The following SMYD3 variants were observed in gnomAD, a reference collection of about 807,000 sequenced individuals.
The protein encoded by SMYD3 is histone-lysine N-methyltransferase SMYD3.
Under a neutral mutation model 57.7 loss-of-function variants are expected in SMYD3, and 36 were observed. That is an observed-to-expected ratio of 0.62 (90% CI 0.48 to 0.82). SMYD3 has a LOEUF of 0.82. Ranked by LOEUF, SMYD3 falls within the 40% of genes least tolerant of loss-of-function variation. The pLI, the probability that SMYD3 is intolerant of heterozygous loss-of-function variation, is 0.00. For synonymous variants in SMYD3, 211 were observed against 195.0 expected, an observed-to-expected ratio of 1.08 and a Z score of -0.68; for missense variants, 515 against 538.8, an observed-to-expected ratio of 0.96 and a Z score of 0.44.
At chr1:246,103,731 CA>C (rs2061062701) in intron 5 of SMYD3, among the ~76,000 whole-genome samples, 1 of 152,134 alleles carries the variant, frequency 6.6e-6, no homozygotes, top group Non-Finnish European at 1.5e-5. Context: ...AGAAAAAGCT[CA>C]AAATTATTAG....
At chr1:246,028,415 T>C (rs1170839988) in intron 5 of SMYD3, among the ~76,000 whole-genome samples, 1 of 152,074 alleles carries the variant, frequency 6.6e-6, no homozygotes, top group Non-Finnish European at 1.5e-5. Flanking sequence ...AAAATCAATA[T>C]ACAAAACTAT....
intron 5 of SMYD3, among the ~76,000 whole-genome samples, chr1:246,006,031 G>C (rs940967259): frequency 2.6e-5 from 1 of 38,548 alleles, no homozygotes; most frequent in African/African-American, 4.9e-5. Context: ...TATTGAAAGG[G>C]GAGAAAAGGC....
Position 245,924,653 on chromosome 1 carries a change from A to AG in SMYD3, c.702+3277dup, listed in dbSNP as rs201192494. On this transcript the variant is annotated intron_variant, in intron 7 of 11. Transcript: ENST00000490107. ...TTGTAAATGTCTGAGACTCTATTCC[A>AG]GCTTTTTTTTTTTTTTTTTTTTTTT... is the stretch of plus-strand genomic sequence containing the variant. Among the ~76,000 whole-genome samples the AG allele has an allele frequency of 2.8e-4, 31 of 111,922 alleles. 3 individuals carry two copies. Among genetic ancestry groups the AG allele is most frequent in the Middle Eastern group, 4.9e-3 (1 of 204 alleles). The allele number at this position is 111,922 out of a possible 152,430, so 73.4% of individuals were successfully genotyped here.
At chr1:246,171,674 TTATGTATCTAC>T (rs2062336603) in intron 5 of SMYD3, among the ~76,000 whole-genome samples, 1 of 152,164 alleles carries the variant, frequency 6.6e-6, no homozygotes, top group South Asian at 2.1e-4. Flanking sequence ...TGGTAGGTAT[TTATGTATCTAC>T]ACTTATCTAA....
intron 5 of SMYD3, among the ~76,000 whole-genome samples, chr1:246,099,703 G>C (rs1416058276): frequency 6.6e-6 from 1 of 152,128 alleles, no homozygotes; most frequent in East Asian, 1.9e-4. Flanking sequence ...AATTTAATAA[G>C]ATCTTCAGAC....
At chr1:245,801,562 G>T (rs2047862935) in intron 10 of SMYD3, among the ~76,000 whole-genome samples, 1 of 152,154 alleles carries the variant, frequency 6.6e-6, no homozygotes, top group Non-Finnish European at 1.5e-5. Context: ...CTTGGCCATG[G>T]TAGTTAATCC....
intron 5 of SMYD3, among the ~76,000 whole-genome samples, chr1:246,059,586 T>G (rs1030709037): frequency 6.6e-6 from 1 of 152,132 alleles, no homozygotes; most frequent in African/African-American, 2.4e-5. Context: ...ACAACATATC[T>G]CAGACGTTAT....
intron 10 of SMYD3, among the ~76,000 whole-genome samples, chr1:245,855,825 T>C (rs947622818): frequency 4.8e-4 from 73 of 152,366 alleles, no homozygotes; most frequent in African/African-American, 1.8e-3. Flanking sequence ...AATTAAAATT[T>C]AGCCAAGGTC....
At chr1:246,211,482 C>G (rs757512387) in intron 5 of SMYD3, among the ~76,000 whole-genome samples, 3 of 151,946 alleles carry the variant, frequency 2.0e-5, no homozygotes, top group Non-Finnish European at 2.9e-5. Flanking sequence ...AAAAAATAAA[C>G]ATCTCTCCAC....
chr1:245,854,898 T>C (rs1273561617), intron 10 of SMYD3, among the ~76,000 whole-genome samples: 1 of 152,168 alleles, frequency 6.6e-6, no homozygotes, highest in Non-Finnish European at 1.5e-5. Flanking sequence ...GGAACCATTG[T>C]TCATGTTTTC....
chr1:245,919,095 T>A (rs1044339067), intron 7 of SMYD3, among the ~76,000 whole-genome samples: 1 of 152,224 alleles, frequency 6.6e-6, no homozygotes, highest in Non-Finnish European at 1.5e-5. Context: ...AACCATTACC[T>A]GGACTACGCA....
At chr1:246,204,059 T>C (rs2062959560) in intron 5 of SMYD3, among the ~76,000 whole-genome samples, 1 of 152,176 alleles carries the variant, frequency 6.6e-6, no homozygotes, top group South Asian at 2.1e-4. Flanking sequence ...CAGTCAGGTG[T>C]GAAAACAGAG....
intron 5 of SMYD3, among the ~76,000 whole-genome samples, chr1:246,080,490 TG>T (rs1462108716): frequency 3.3e-5 from 5 of 152,122 alleles, no homozygotes; most frequent in Admixed American, 3.3e-4. Flanking sequence ...GCCCCATCCA[TG>T]AAAAACTGTC....
At chr1:246,390,479 G>C (rs942340066) in intron 1 of SMYD3, among the ~76,000 whole-genome samples, 1 of 152,002 alleles carries the variant, frequency 6.6e-6, no homozygotes. Flanking sequence ...ACTAGATTAA[G>C]TAACTATAAA....
chr1:245,922,629 C>A (rs1182846686), intron 7 of SMYD3, among the ~76,000 whole-genome samples: 1 of 151,496 alleles, frequency 6.6e-6, no homozygotes, highest in Non-Finnish European at 1.5e-5. Flanking sequence ...TGGACACTCA[C>A]CATTTGAGCT....
At chr1:246,406,757 T>A (rs1166263441) in intron 1 of SMYD3, among the ~76,000 whole-genome samples, 1 of 152,218 alleles carries the variant, frequency 6.6e-6, no homozygotes, top group African/African-American at 2.4e-5. Context: ...AGTGACAGTG[T>A]CACTGGCTCC....
At chr1:246,205,117 G>C (rs535782256) in intron 5 of SMYD3, among the ~76,000 whole-genome samples, 5 of 152,320 alleles carry the variant, frequency 3.3e-5, no homozygotes, top group African/African-American at 1.2e-4. Context: ...CAGAAGGGTG[G>C]AGTCTATGAA....
chr1:246,058,059 G>A (rs915180259), intron 5 of SMYD3, among the ~76,000 whole-genome samples: 6 of 152,054 alleles, frequency 3.9e-5, no homozygotes, highest in Non-Finnish European at 8.8e-5. Flanking sequence ...CTATGGAAAC[G>A]GTAAAAAGAT....
intron 7 of SMYD3, among the ~76,000 whole-genome samples, chr1:245,924,715 T>G (rs1326968065): frequency 7.1e-6 from 1 of 141,186 alleles, no homozygotes; most frequent in Non-Finnish European, 1.5e-5. Flanking sequence ...CAGGCTGGAG[T>G]GCAATGGTGC....
Sources: gnomAD v4.1 joint callset for allele counts (sites outside exome capture counted in the v4.1 genomes callset) on GRCh38, gnomAD v4.1.1 for gene constraint, MANE v1.5 for transcripts, NCBI Gene and HGNC (gene_info 2026-07-23, HGNC 2026-07-21) for gene names.